Variants in GLDN observed in about 807,000 individuals in gnomAD.
GLDN encodes collomin.
GLDN carries 47 observed loss-of-function variants against 56.5 expected under a neutral mutation model. The ratio of observed to expected loss-of-function variants is 0.83; its 90% CI spans 0.66 to 1.06. The LOEUF is 1.06. GLDN is among the 50% of genes least tolerant of loss of function. The pLI is 0.00. For synonymous variants in GLDN, 332 were observed against 278.8 expected (o/e 1.19, Z -1.90); for missense variants, 782 against 714.3 (o/e 1.09, Z -1.08).
intron 1 of GLDN, among the ~76,000 whole-genome samples, chr15:51,356,990 C>T (rs2037198888): frequency 1.3e-5 from 2 of 152,214 alleles, no homozygotes; most frequent in Admixed American, 6.5e-5. Flanking sequence ...TGGGACAACA[C>T]ACAGACCTCT....
At chr15:51,393,834 A>G (rs1479948639) in intron 4 of GLDN, among the ~76,000 whole-genome samples, 1 of 152,224 alleles carries the variant, frequency 6.6e-6, no homozygotes, top group Non-Finnish European at 1.5e-5. Flanking sequence ...GTTTCTAGCA[A>G]TGTGCGGAGG....
chr15:51,352,992 G>A (rs967010797), intron 1 of GLDN, among the ~76,000 whole-genome samples: 7 of 152,162 alleles, frequency 4.6e-5, no homozygotes, highest in African/African-American at 1.7e-4. Flanking sequence ...GGCAGCCAGA[G>A]GCCACAAGAT....
rs1190956782 is a variant in GLDN, at chr15:51,404,944, A to G, written c.*190A>G. 5 of 557,502 alleles carry G rather than the reference A, an allele frequency of 9.0e-6. No individual in the cohort carries two copies. In the East Asian group the frequency reaches 1.5e-4, roughly 17 times the overall value. The allele number at this position is 557,502 out of a possible 1,614,324, so 34.5% of individuals were successfully genotyped here. On this transcript the variant is annotated 3_prime_UTR_variant, in exon 10 of 10. Coordinates refer to ENST00000335449, the MANE Select transcript of GLDN (RefSeq NM_181789.4). ...AAGTTGAAATGGCTGAGATTTGGTG[A>G]TCTCCCCACAGCTGGCTCTGCAAGT...
intron 9 of GLDN, among the ~76,000 whole-genome samples, chr15:51,403,560 T>G (rs914939406): frequency 6.6e-6 from 1 of 152,128 alleles, no homozygotes; most frequent in African/African-American, 2.4e-5. Context: ...CAGCCTAGAG[T>G]TGGAATCTGT....
intron 1 of GLDN, among the ~76,000 whole-genome samples, chr15:51,353,244 T>TTTCTAAAACTATCTTTCTAAAAC (rs1280592637): frequency 8.4e-4 from 128 of 152,298 alleles, no homozygotes; most frequent in African/African-American, 3.0e-3. Flanking sequence ...CCTAGCCCCC[T>TTTCTAAAACTATCTTTCTAAAAC]CTGCCTGCCA....
chr15:51,351,780 T>A (rs2037080902), intron 1 of GLDN, among the ~76,000 whole-genome samples: 3 of 152,198 alleles, frequency 2.0e-5, no homozygotes, highest in Admixed American at 2.0e-4. Context: ...GTGGTGGTGG[T>A]AAGCAGTGTG....
At chr15:51,374,600 C>G (rs1326512892) in intron 1 of GLDN, among the ~76,000 whole-genome samples, 2 of 152,182 alleles carry the variant, frequency 1.3e-5, no homozygotes, top group Non-Finnish European at 2.9e-5. Context: ...TACTCCAACT[C>G]AGAGAGCTAT....
In GLDN at chr15:51,402,294, C is replaced by T. The variant is rs1468314687; in HGVS notation, c.1178+551C>T. ...TCACCTGGGTAGACACTGCCCAAGGCAGCCGCTGAGCCTTCCCCACAAGAA... is the reference window on the plus strand; with the variant it reads ...TCACCTGGGTAGACACTGCCCAAGGTAGCCGCTGAGCCTTCCCCACAAGAA... On this transcript the variant is annotated intron_variant, in intron 9 of 9. Coordinates refer to ENST00000335449, the MANE Select transcript of GLDN (RefSeq NM_181789.4). Among the ~76,000 whole-genome samples, 3 of 152,216 alleles carry T rather than the reference C, an allele frequency of 2.0e-5. No homozygotes were observed. In the South Asian group the frequency reaches 6.2e-4, roughly 32 times the overall value.
chr15:51,377,563 G>A, intron 2 of GLDN, 63 bp downstream of exon 2: 3 of 1,321,684 alleles, frequency 2.3e-6, no homozygotes, highest in South Asian at 1.2e-5. Context: ...AAGGCCCGTG[G>A]CAGAATGAAC....
chr15:51,361,513 C>G (rs572020082), intron 1 of GLDN, among the ~76,000 whole-genome samples: 1 of 152,180 alleles, frequency 6.6e-6, no homozygotes, highest in South Asian at 2.1e-4. Flanking sequence ...TGCTACTCAC[C>G]AAATAGGAGA....
At chr15:51,412,803 G>A (rs1472450081), downstream of GLDN, among the ~76,000 whole-genome samples, 1 of 151,954 alleles carries the variant, frequency 6.6e-6, no homozygotes, top group Non-Finnish European at 1.5e-5. Flanking sequence ...TTATTAAAAT[G>A]CAGCTACATC....
intron 9 of GLDN, among the ~76,000 whole-genome samples, chr15:51,402,054 G>A (rs564727707): frequency 1.3e-4 from 20 of 152,302 alleles, no homozygotes; most frequent in African/African-American, 4.8e-4. Flanking sequence ...GAAGCAGCCC[G>A]AACTCATAGC....
intron 9 of GLDN, among the ~76,000 whole-genome samples, chr15:51,402,825 C>T (rs1344196158): frequency 6.6e-6 from 1 of 152,206 alleles, no homozygotes; most frequent in Non-Finnish European, 1.5e-5. Flanking sequence ...TCCTTTGCCT[C>T]TCACTCCCAT....
intron 1 of GLDN, among the ~76,000 whole-genome samples, chr15:51,364,118 G>C (rs1467626951): frequency 6.6e-6 from 1 of 152,074 alleles, no homozygotes; most frequent in African/African-American, 2.4e-5. Context: ...TGGGTTTATA[G>C]TTTTAATTGA....
rs1283025174 is a variant in GLDN, at chr15:51,400,185, A to G, written c.818-7A>G. The G allele has an allele frequency of 6.2e-7, 1 of 1,613,776 alleles. No homozygotes were observed. The highest frequency in any genetic ancestry group is 2.2e-5 in the East Asian group (1 of 44,882). On this transcript the variant is annotated splice_polypyrimidine_tract_variant and splice_region_variant and intron_variant, in intron 6 of 9. Coordinates refer to ENST00000335449, the MANE Select transcript of GLDN (RefSeq NM_181789.4). ...ATCGGCTCTGATGATTATTGTTGTCATTTTAGGTGAGACTTGTGCCATACC... is the reference window on the plus strand; with the variant it reads ...ATCGGCTCTGATGATTATTGTTGTCGTTTTAGGTGAGACTTGTGCCATACC...
At chr15:51,403,288 A>G (rs2141136751) in intron 9 of GLDN, among the ~76,000 whole-genome samples, 1 of 152,210 alleles carries the variant, frequency 6.6e-6, no homozygotes, top group African/African-American at 2.4e-5. Flanking sequence ...GCAGCAGTAA[A>G]CCCCAGGTAT....
chr15:51,383,911 C>G lies in GLDN; in HGVS notation c.541+19C>G. Reference sequence around the variant, plus strand: ...AAAATGGGTATTTTTGGCAACTCTTCTAATTAATTTCCCTGTTATTTATCT... The same window carrying G: ...AAAATGGGTATTTTTGGCAACTCTTGTAATTAATTTCCCTGTTATTTATCT... On this transcript the variant is annotated intron_variant, in intron 4 of 9. Transcript: ENST00000335449. 9 of 1,511,274 alleles carry G rather than the reference C, an allele frequency of 6.0e-6. No homozygotes were observed. The highest frequency in any genetic ancestry group is 8.2e-6 in the Non-Finnish European group (9 of 1,098,092). 93.6% of individuals were successfully genotyped at this position (1,511,274 alleles called of 1,614,324 possible).
chr15:51,356,303 T>C (rs1456452473), intron 1 of GLDN, among the ~76,000 whole-genome samples: 1 of 152,036 alleles, frequency 6.6e-6, no homozygotes, highest in Non-Finnish European at 1.5e-5. Context: ...GGAGTCACTC[T>C]GGTTAGAACA....
At chr15:51,397,945 GC>G (rs2038170611) in intron 6 of GLDN, among the ~76,000 whole-genome samples, 1 of 152,212 alleles carries the variant, frequency 6.6e-6, no homozygotes, top group Non-Finnish European at 1.5e-5. Flanking sequence ...GAAGTGAGAA[GC>G]TTGAATGATG....
Sources: allele counts gnomAD v4.1 joint callset (sites outside exome capture counted in the v4.1 genomes callset), GRCh38; gene constraint gnomAD v4.1.1; transcripts MANE v1.5; gene names NCBI Gene and HGNC (gene_info 2026-07-23, HGNC 2026-07-21).